Variants in PAGR1 observed in about 807,000 individuals in gnomAD.
The protein encoded by PAGR1 is PAXIP1-associated glutamate-rich protein 1.
A neutral mutation model predicts 22.4 loss-of-function variants in PAGR1; 20 were observed. That is an observed-to-expected ratio of 0.89 (90% confidence interval 0.63 to 1.30). The LOEUF (loss-of-function observed/expected upper bound fraction) is 1.30. Ranked by LOEUF, PAGR1 falls within the 50% of genes most tolerant of loss-of-function variation. The pLI, the probability that PAGR1 is intolerant of heterozygous loss-of-function variation, is 0.00. For missense variants in PAGR1, 338 were observed against 343.6 expected (o/e 0.98, Z 0.13); for synonymous variants, 161 against 148.3 (o/e 1.09, Z -0.62).
intron 1 of PAGR1, 43 bp from the exon 2 acceptor site, chr16:29,817,163 TGGGA>T (rs1424141843): frequency 6.2e-7 from 1 of 1,611,836 alleles, no homozygotes. Context: ...CACGTGTGGG[TGGGA>T]GGGAGGACCG....
chr16:29,819,878 G>A lies in PAGR1; in HGVS notation c.*124G>A, dbSNP rs748692670. The A allele has an allele frequency of 4.4e-5, 48 of 1,093,026 alleles. 1 individual carries two copies. The highest frequency in any genetic ancestry group is 2.6e-4 in the South Asian group (16 of 61,400). The allele number at this position is 1,093,026 out of a possible 1,614,324, so 67.7% of individuals were successfully genotyped here. A position where few individuals can be genotyped will look rare whatever the true frequency, so the allele number is the denominator to read the frequency against. ...GAAACCTCAAGCTCCCAAACAGCAC[G>A]TTGCGGGAAAGAGGAAGAGAGAGTG... On this transcript the variant is annotated 3_prime_UTR_variant, in exon 3 of 3. Coordinates refer to ENST00000320330, the MANE Select transcript of PAGR1 (RefSeq NM_024516.4).
rs778488514 is a variant in PAGR1 at position 29,819,606 on chromosome 16, C to T, written c.617C>T (p.Ser206Leu). 6 of 1,614,014 alleles carry T rather than the reference C, an allele frequency of 3.7e-6. No individual in the cohort carries two copies. Among genetic ancestry groups the T allele is most frequent in the East Asian group, 2.2e-5 (1 of 44,892 alleles). The change falls in exon 3 of 3, where the codon TCG becomes TTG. Residue 206 changes from serine (S) to leucine (L), a missense_variant. Physicochemically the swap from Ser to Leu is moderately radical, Grantham distance 145. Transcript: ENST00000320330. Reference protein sequence around the residue: ...KREARLDKVLSDMKRHKKLEE... With the variant: ...KREARLDKVLLDMKRHKKLEE... ...GAGGCCCGCCTGGACAAGGTGCTGT[C>T]GGACATGAAGAGACACAAGAAGCTG...
chr16:29,817,061 G>A (rs1181659765), intron 1 of PAGR1, 54 bp downstream of exon 1: 2 of 1,553,900 alleles, frequency 1.3e-6, no homozygotes, highest in Admixed American at 3.9e-5. Context: ...ATGGCGGGAG[G>A]AAATAGGGAG....
At chr16:29,817,764 G>A (rs979132390) in intron 2 of PAGR1, among the ~76,000 whole-genome samples, 7 of 152,144 alleles carry the variant, frequency 4.6e-5, no homozygotes, top group African/African-American at 9.6e-5. Context: ...GAGCCAATGC[G>A]CCTGGCCCCT....
chr16:29,822,448 C>T lies in PAGR1; in HGVS notation c.*2694C>T, dbSNP rs898244329. On this transcript the variant is annotated 3_prime_UTR_variant, in exon 3 of 3. Coordinates refer to ENST00000320330, the MANE Select transcript of PAGR1 (RefSeq NM_024516.4). ...CAATTCCTGAGTCATGTGACCCATT[C>T]TCTAAAGACTAGAATATTTAACTTA... 3 of 152,168 alleles carry T rather than the reference C, an allele frequency of 2.0e-5. No homozygotes were observed. Among genetic ancestry groups the T allele is most frequent in the African/African-American group, 7.2e-5 (3 of 41,430 alleles). 9.4% of individuals were successfully genotyped at this position (152,168 alleles called of 1,614,324 possible). A position where few individuals can be genotyped will look rare whatever the true frequency, so the allele number is the denominator to read the frequency against.
Position 29,816,354 on chromosome 16 carries a change from TTGG to T in PAGR1, c.-168_-166del, listed in dbSNP as rs1409017621. The T allele has an allele frequency of 7.1e-6, 4 of 566,390 alleles. No individual in the cohort carries two copies. The highest frequency in any genetic ancestry group is 1.1e-5 in the Non-Finnish European group (4 of 369,464). The allele number at this position is 566,390 out of a possible 1,614,324, so 35.1% of individuals were successfully genotyped here. A position where few individuals can be genotyped will look rare whatever the true frequency, so the allele number is the denominator to read the frequency against. On this transcript the variant is annotated 5_prime_UTR_variant, in exon 1 of 3. Transcript: ENST00000320330. ...AACCTCGATCTCCGGGGCGGGGTCC[TTGG>T]TGGGGACTGAGCGCCCCCTCCCGGG...
rs1418679498 is a variant in PAGR1, at chr16:29,822,064, T to G, written c.*2310T>G. Reference sequence around the variant, plus strand: ...AACATAGCGAGACCCTGTCTCTGTTTGTGTGTGTGTGGTTGGGGTTTTGTT... The same window carrying G: ...AACATAGCGAGACCCTGTCTCTGTTGGTGTGTGTGTGGTTGGGGTTTTGTT... On this transcript the variant is annotated 3_prime_UTR_variant, in exon 3 of 3. Coordinates refer to ENST00000320330, the MANE Select transcript of PAGR1 (RefSeq NM_024516.4). Among the ~76,000 whole-genome samples, 1 of 151,240 alleles carries G rather than the reference T, an allele frequency of 6.6e-6. No homozygotes were observed. The highest frequency in any genetic ancestry group is 2.4e-5 in the African/African-American group (1 of 41,230).
In PAGR1 at chr16:29,816,406, C is replaced by T. The variant is rs74017632; in HGVS notation, c.-120C>T. On this transcript the variant is annotated 5_prime_UTR_variant, in exon 1 of 3. Coordinates refer to ENST00000320330, the MANE Select transcript of PAGR1 (RefSeq NM_024516.4). ...GGGACGGGCGGTCTGGCCGCGGAGT[C>T]CCCTGCGGGAGCGTGATTGGCTGGA... 3.7e-6 allele frequency: 4 copies of T among 1,078,074 alleles called. No homozygotes were observed. The highest frequency in any genetic ancestry group is 3.2e-5 in the African/African-American group (2 of 61,642). The allele number at this position is 1,078,074 out of a possible 1,614,324, so 66.8% of individuals were successfully genotyped here. A position where few individuals can be genotyped will look rare whatever the true frequency, so the allele number is the denominator to read the frequency against.
In PAGR1 at chr16:29,816,521, G is replaced by T. The variant is rs762064824; in HGVS notation, c.-5G>T. On this transcript the variant is annotated 5_prime_UTR_variant, in exon 1 of 3. Coordinates refer to ENST00000320330, the MANE Select transcript of PAGR1 (RefSeq NM_024516.4). The stretch of plus-strand genomic sequence containing the variant: ...GTCGTCGCAGGGTCCCTGCCCTAGT[G>T]GCCTATGTCCCTTGCTCGGGGCCAT... 3 of 1,501,022 alleles carry T rather than the reference G, an allele frequency of 2.0e-6. No homozygotes were observed. The South Asian group carries it at 4.2e-5, about 21-fold the overall frequency. The allele number at this position is 1,501,022 out of a possible 1,614,324, so 93.0% of individuals were successfully genotyped here.
At chr16:29,819,378 A>T in intron 2 of PAGR1, 177 bp from the exon 3 acceptor site, 1 of 662,548 alleles carries the variant, frequency 1.5e-6, no homozygotes, top group East Asian at 2.5e-5. Context: ...CTTCCTGTCA[A>T]TCAAGATCTT....
At chr16:29,817,507 C>T (rs986425221) in intron 2 of PAGR1, among the ~76,000 whole-genome samples, 1 of 143,298 alleles carries the variant, frequency 7.0e-6, no homozygotes, top group Admixed American at 6.9e-5. Flanking sequence ...GAGTCTTGCC[C>T]TTGTCCCCCA....
chr16:29,816,854 C>T lies in PAGR1; in HGVS notation c.329C>T (p.Ser110Phe), dbSNP rs1900259363. ...GGGCAGCCCTGGATGCCCCCGCCCT[C>T]CGAAATCCAGCGGCTCTATGAACTG... ...ADGQPWMPPP[S>F]EIQRLYELLA... Residue 110 changes from serine (S) to phenylalanine (F), a missense_variant, in exon 1 of 3, where the codon TCC becomes TTC. Coordinates refer to ENST00000320330, the MANE Select transcript of PAGR1 (RefSeq NM_024516.4). 1 of 1,563,064 alleles carries T rather than the reference C, an allele frequency of 6.4e-7. No individual in the cohort carries two copies. The highest frequency in any genetic ancestry group is 1.4e-5 in the African/African-American group (1 of 73,722).
At chr16:29,817,894 G>C (rs1464993234) in intron 2 of PAGR1, 2 of 152,228 alleles carry the variant, frequency 1.3e-5, no homozygotes, top group Non-Finnish European at 2.9e-5. Flanking sequence ...GGGAGGTGGA[G>C]GTTGCAGTGA....
At chr16:29,819,114 GCC>G (rs1900308075) in intron 2 of PAGR1, among the ~76,000 whole-genome samples, 1 of 152,020 alleles carries the variant, frequency 6.6e-6, no homozygotes, top group Non-Finnish European at 1.5e-5. Context: ...TTCTGCCTCA[GCC>G]TCCCAAGTAG....
rs1567383097 is a variant in PAGR1 at position 29,816,849 on chromosome 16, GC to G, written c.327del (p.Ser110ProfsTer66). Reference protein sequence around the residue: ...PADGQPWMPPPSEIQRLYELL... With the variant: ...PADGQPWMPPXSEIQRLYELL... ...CGGATGGGCAGCCCTGGATGCCCCCGCCCTCCGAAATCCAGCGGCTCTATGA... is the reference window on the plus strand; with the variant it reads ...CGGATGGGCAGCCCTGGATGCCCCCGCCTCCGAAATCCAGCGGCTCTATGA... On this transcript the variant is annotated frameshift_variant, in exon 1 of 3. Coordinates refer to ENST00000320330, the MANE Select transcript of PAGR1 (RefSeq NM_024516.4). LOFTEE classifies it high-confidence loss of function. The G allele has an allele frequency of 6.4e-7, 1 of 1,561,532 alleles. No individual in the cohort carries two copies. The highest frequency in any genetic ancestry group is 8.7e-7 in the Non-Finnish European group (1 of 1,154,038).
chr16:29,816,598 A>G lies in PAGR1; in HGVS notation c.73A>G (p.Thr25Ala). 1.3e-6 allele frequency: 2 copies of G among 1,506,984 alleles called. No homozygotes were observed. The highest frequency in any genetic ancestry group is 8.8e-7 in the Non-Finnish European group (1 of 1,131,390). 93.4% of individuals were successfully genotyped at this position (1,506,984 alleles called of 1,614,324 possible). A position where few individuals can be genotyped will look rare whatever the true frequency, so the allele number is the denominator to read the frequency against. ...AAPLSEEGEV[T>A]SGLQALAVED... ...GCCTCTGTCTGAAGAAGGGGAAGTGACCTCCGGCCTCCAGGCTCTGGCCGT... is the reference window on the plus strand; with the variant it reads ...GCCTCTGTCTGAAGAAGGGGAAGTGGCCTCCGGCCTCCAGGCTCTGGCCGT... Residue 25 changes from threonine to alanine, a missense_variant, in exon 1 of 3, where the codon ACC becomes GCC. Thr to Ala is a moderately conservative substitution (Grantham distance 58). Around this residue, in one of 3 missense-constraint regions of PAGR1, gnomAD observed 235 missense variants for 216.0 expected, o/e 1.09. Coordinates refer to ENST00000320330, the MANE Select transcript of PAGR1 (RefSeq NM_024516.4).
In PAGR1 at chr16:29,822,091, T is replaced by TTG. The variant is rs1555503740; in HGVS notation, c.*2338_*2339insGT. ...TGTGTGTGTGGTTGGGGTTTTGTTTTTTTTTTTTTTTTAAAGAATTATAGC... is the reference window on the plus strand; with the variant it reads ...TGTGTGTGTGGTTGGGGTTTTGTTTTTGTTTTTTTTTTTTAAAGAATTATAGC... On this transcript the variant is annotated 3_prime_UTR_variant, in exon 3 of 3. Coordinates refer to ENST00000320330, the MANE Select transcript of PAGR1 (RefSeq NM_024516.4). Among the ~76,000 whole-genome samples, 2 of 151,492 alleles carry TTG rather than the reference T, an allele frequency of 1.3e-5. No homozygotes were observed. The highest frequency in any genetic ancestry group is 6.6e-5 in the Admixed American group (1 of 15,226).
At position 29,820,042 on chromosome 16, in the gene PAGR1, T is replaced by G. The variant is rs1226159861; in HGVS notation, c.*288T>G. On this transcript the variant is annotated 3_prime_UTR_variant, in exon 3 of 3. Coordinates refer to ENST00000320330, the MANE Select transcript of PAGR1 (RefSeq NM_024516.4). Reference sequence around the variant, plus strand: ...AGAGTGTGTGAGTGTGTGTTTTCTATTGAACACCTATTCAGAGACCTGGAC... The same window carrying G: ...AGAGTGTGTGAGTGTGTGTTTTCTAGTGAACACCTATTCAGAGACCTGGAC... 4 of 360,040 alleles carry G rather than the reference T, an allele frequency of 1.1e-5. No individual in the cohort carries two copies. The highest frequency in any genetic ancestry group is 2.1e-5 in the African/African-American group (1 of 48,284). 22.3% of individuals were successfully genotyped at this position (360,040 alleles called of 1,614,324 possible).
rs374459711 is a variant in PAGR1 at position 29,816,941 on chromosome 16, C to T, written c.416C>T (p.Pro139Leu). 1 of 1,573,664 alleles carries T rather than the reference C, an allele frequency of 6.4e-7. No homozygotes were observed. Residue 139 changes from proline (P) to leucine (L), a missense_variant, in exon 1 of 3, where the codon CCG becomes CTG. Pro to Leu is a moderately conservative substitution (Grantham distance 98). Around this residue, in one of 3 missense-constraint regions of PAGR1, gnomAD observed 235 missense variants for 216.0 expected, o/e 1.09. Transcript: ENST00000320330. Reference protein sequence around the residue: ...AEILPRRPPTPEAQSEEERSD... With the variant: ...AEILPRRPPTLEAQSEEERSD... ...ATCCTGCCCCGCCGGCCTCCCACGCCGGAGGCCCAGAGCGAAGAGGAGAGA... is the reference window on the plus strand; with the variant it reads ...ATCCTGCCCCGCCGGCCTCCCACGCTGGAGGCCCAGAGCGAAGAGGAGAGA...
Sources: allele counts gnomAD v4.1 joint callset (sites outside exome capture counted in the v4.1 genomes callset), GRCh38; gene constraint gnomAD v4.1.1; regional missense constraint gnomAD v4.1.1; transcripts MANE v1.5; gene names NCBI Gene and HGNC (gene_info 2026-07-23, HGNC 2026-07-21).